The following TDP1 variants were observed in gnomAD, a reference collection of about 807,000 sequenced individuals.
The protein encoded by TDP1 is tyr-DNA phosphodiesterase 1.
Under a neutral mutation model 81.5 loss-of-function variants are expected in TDP1, and 64 were observed. The ratio of observed to expected loss-of-function variants is 0.79; its 90% CI spans 0.64 to 0.97. The LOEUF is 0.97. Ranked by LOEUF, TDP1 falls within the 50% of genes least tolerant of loss-of-function variation. The pLI is 0.00. For missense variants in TDP1, 723 were observed against 743.8 expected (o/e 0.97, Z 0.33); for synonymous variants, 256 against 264.3 (o/e 0.97, Z 0.30).
chr14:90,033,598 A>G lies in TDP1; in HGVS notation c.1753+384A>G, dbSNP rs1596713422. On this transcript the variant is annotated intron_variant, in intron 16 of 16. Coordinates refer to ENST00000335725, the MANE Select transcript of TDP1 (RefSeq NM_018319.4). Reference sequence around the variant, plus strand: ...GTCTACACTTGGGCAAAATAAATCAAAGACTGTTTTATAATAAATTGTTGA... The same window carrying G: ...GTCTACACTTGGGCAAAATAAATCAGAGACTGTTTTATAATAAATTGTTGA... 7.7e-5 allele frequency: 21 copies of G among 272,874 alleles called. No individual in the cohort carries two copies. In the South Asian group the frequency reaches 8.2e-4, roughly 11 times the overall value. The allele number at this position is 272,874 out of a possible 1,614,324, so 16.9% of individuals were successfully genotyped here.
chr14:90,021,142 G>A (rs553036219), intron 15 of TDP1, among the ~76,000 whole-genome samples: 10 of 152,064 alleles, frequency 6.6e-5, no homozygotes, highest in Non-Finnish European at 1.3e-4. Context: ...CCCCAGCGTC[G>A]TTCACTGTTT....
chr14:89,992,989 C>T, intron 13 of TDP1: 12 of 961,154 alleles, frequency 1.2e-5, no homozygotes, highest in Non-Finnish European at 1.5e-5. Context: ...ATTCAACAAG[C>T]TTTTGCTGAG....
rs558781470 is a variant in TDP1 at position 89,980,583 on chromosome 14, A to C, written c.835A>C (p.Ile279Leu). The C allele has an allele frequency of 6.2e-7, 1 of 1,614,210 alleles. No individual in the cohort carries two copies. Among genetic ancestry groups the C allele is most frequent in the Admixed American group, 1.7e-5 (1 of 60,018 alleles). ...LLYEEGLRVVIHTSNLIHADW... is the reference protein window; with the variant it reads ...LLYEEGLRVVLHTSNLIHADW... ...CTATGAAGAAGGCCTCCGGGTTGTC[A>C]TACACACCTCCAACCTCATCCATGC... Residue 279 changes from isoleucine (I) to leucine (L), a missense_variant, in exon 8 of 17, where the codon ATA becomes CTA. Physicochemically the swap from Ile to Leu is conservative, Grantham distance 5 (BLOSUM62 2). Transcript: ENST00000335725.
At chr14:89,979,325 T>G (rs1466107216) in intron 7 of TDP1, among the ~76,000 whole-genome samples, 1 of 152,070 alleles carries the variant, frequency 6.6e-6, no homozygotes, top group Non-Finnish European at 1.5e-5. Context: ...TTTTTTTTTT[T>G]TTGAGACAGA....
intron 2 of TDP1, among the ~76,000 whole-genome samples, chr14:89,962,466 T>G (rs2139932986): frequency 6.6e-6 from 1 of 152,302 alleles, no homozygotes; most frequent in South Asian, 2.1e-4. Flanking sequence ...CCCAAACGCT[T>G]ATTGGAAGTT....
At chr14:90,007,917 A>G (rs182459272) in intron 14 of TDP1, among the ~76,000 whole-genome samples, 75 of 151,816 alleles carry the variant, frequency 4.9e-4, no homozygotes, top group African/African-American at 1.8e-3. Flanking sequence ...TTCCTTAAAT[A>G]TTTTTTTCCA....
At chr14:89,989,988 T>C (rs1896003462) in intron 12 of TDP1, among the ~76,000 whole-genome samples, 1 of 152,182 alleles carries the variant, frequency 6.6e-6, no homozygotes, top group Admixed American at 6.5e-5. Context: ...AGTTTTCATT[T>C]TTACCAGTAA....
intron 15 of TDP1, among the ~76,000 whole-genome samples, chr14:90,022,403 C>G (rs1185757245): frequency 6.6e-6 from 1 of 152,244 alleles, no homozygotes; most frequent in African/African-American, 2.4e-5. Context: ...AGCAGCGGCC[C>G]TTCTCCCTGG....
Position 89,963,496 on chromosome 14 carries a change from GAA to G in TDP1, c.385_386del (p.Asn129SerfsTer17). 6.2e-7 allele frequency: 1 copy of G among 1,603,898 alleles called. No individual in the cohort carries two copies. The highest frequency in any genetic ancestry group is 8.5e-7 in the Non-Finnish European group (1 of 1,174,712). On this transcript the variant is annotated frameshift_variant, in exon 3 of 17. Transcript: ENST00000335725. LOFTEE classifies it high-confidence loss of function. ...APNDGTAQRT[E>X]NHGAPACHRL... is the part of the protein sequence containing the mutation. ...CAATGACGGCACTGCCCAAAGAACT[GAA>G]AATCATGGCGCTCCCGCCTGCCACA...
chr14:89,966,840 C>T (rs1000324333), intron 4 of TDP1: 18 of 287,656 alleles, frequency 6.3e-5, no homozygotes, highest in Non-Finnish European at 5.2e-5. Flanking sequence ...GGAGCCTCCA[C>T]GGGTAAGACC....
intron 14 of TDP1, among the ~76,000 whole-genome samples, chr14:90,017,055 G>C (rs184798912): frequency 2.6e-5 from 4 of 152,178 alleles, no homozygotes; most frequent in African/African-American, 9.7e-5. Flanking sequence ...TGGTGAAAAC[G>C]AGTTTTCAAC....
At chr14:89,985,439 A>C (rs1158347032) in intron 10 of TDP1, among the ~76,000 whole-genome samples, 1 of 152,144 alleles carries the variant, frequency 6.6e-6, no homozygotes, top group Non-Finnish European at 1.5e-5. Flanking sequence ...GACCTTTTCT[A>C]GTTTTTATAT....
chr14:90,026,964 G>A (rs1230271768), intron 15 of TDP1, among the ~76,000 whole-genome samples: 1 of 152,048 alleles, frequency 6.6e-6, no homozygotes, highest in Non-Finnish European at 1.5e-5. Context: ...CAATCCTTTG[G>A]GTATATACCC....
chr14:90,022,974 C>T (rs1295875439), intron 15 of TDP1: 5 of 739,658 alleles, frequency 6.8e-6, no homozygotes, highest in Non-Finnish European at 1.2e-5. Context: ...TGGCCTGGGA[C>T]TACCCACCTC....
At chr14:90,012,354 G>T (rs997385785) in intron 14 of TDP1, among the ~76,000 whole-genome samples, 16 of 151,962 alleles carry the variant, frequency 1.1e-4, no homozygotes, top group African/African-American at 3.6e-4. Flanking sequence ...CTACAATTCT[G>T]CAATCTTGAA....
At chr14:89,989,839 A>G (rs1566880678) in intron 12 of TDP1, 74 bp downstream of exon 12, 2 of 1,202,924 alleles carry the variant, frequency 1.7e-6, no homozygotes, top group South Asian at 1.2e-5. Flanking sequence ...TTTTACTACT[A>G]TTGCGTAGAA....
intron 16 of TDP1, among the ~76,000 whole-genome samples, chr14:90,041,717 C>A (rs1247119460): frequency 6.6e-6 from 1 of 152,196 alleles, no homozygotes; most frequent in Non-Finnish European, 1.5e-5. Context: ...CTAACACTTA[C>A]CAAGACAATA....
At chr14:90,024,900 T>C (rs1886478450) in intron 15 of TDP1, among the ~76,000 whole-genome samples, 1 of 152,216 alleles carries the variant, frequency 6.6e-6, no homozygotes, top group South Asian at 2.1e-4. Context: ...GTTTGCCAAA[T>C]AGACTTACTT....
At chr14:90,025,333 T>C (rs980706127) in intron 15 of TDP1, among the ~76,000 whole-genome samples, 2 of 152,206 alleles carry the variant, frequency 1.3e-5, no homozygotes, top group Non-Finnish European at 2.9e-5. Flanking sequence ...AAGATGCCAT[T>C]TGAAACCTGG....
Sources: gnomAD v4.1 joint callset for allele counts (sites outside exome capture counted in the v4.1 genomes callset) on GRCh38, gnomAD v4.1.1 for gene constraint, MANE v1.5 for transcripts, NCBI Gene and HGNC (gene_info 2026-07-23, HGNC 2026-07-21) for gene names.